The following MYO1D variants were observed in gnomAD, a reference collection of about 807,000 sequenced individuals.
MYO1D encodes the protein unconventional myosin-Id.
A neutral mutation model predicts 122.0 loss-of-function variants in MYO1D; 83 were observed. The observed-to-expected ratio is 0.68, with a 90% CI of 0.57 to 0.82. The LOEUF (loss-of-function observed/expected upper bound fraction) is 0.82. Ranked by LOEUF, MYO1D falls within the 40% of genes least tolerant of loss-of-function variation. The pLI, the probability that MYO1D is intolerant of heterozygous loss-of-function variation, is 0.00. For missense variants in MYO1D, 1,157 were observed against 1,269.5 expected (o/e 0.91, Z 1.35); for synonymous variants, 464 against 446.9 (o/e 1.04, Z -0.48).
chr17:32,705,793 G>C (rs1598025379), intron 16 of MYO1D, among the ~76,000 whole-genome samples: 2 of 152,156 alleles, frequency 1.3e-5, no homozygotes, highest in East Asian at 3.9e-4. Context: ...GACCCAAGTG[G>C]GAGGTAATTG....
intron 21 of MYO1D, among the ~76,000 whole-genome samples, chr17:32,548,183 T>C (rs2086980834): frequency 6.6e-6 from 1 of 151,700 alleles, no homozygotes. Flanking sequence ...TTTGGGTGGC[T>C]GAGGTGGGCA....
intron 21 of MYO1D, among the ~76,000 whole-genome samples, chr17:32,581,759 G>A (rs1173337523): frequency 2.0e-5 from 3 of 151,792 alleles, no homozygotes; most frequent in Non-Finnish European, 2.9e-5. Flanking sequence ...GTGTGTGTGT[G>A]TGTGTGTGTA....
chr17:32,620,527 C>CA (rs1307500690), intron 20 of MYO1D, among the ~76,000 whole-genome samples: 2 of 151,926 alleles, frequency 1.3e-5, no homozygotes, highest in Non-Finnish European at 2.9e-5. Context: ...AGAAAGGAGG[C>CA]AAAAAGAAAA....
At chr17:32,852,534 T>C (rs536873952) in intron 1 of MYO1D, among the ~76,000 whole-genome samples, 3 of 152,210 alleles carry the variant, frequency 2.0e-5, no homozygotes, top group Non-Finnish European at 4.4e-5. Flanking sequence ...CATACAGACA[T>C]ATTAAATGCA....
chr17:32,571,828 A>T (rs1238325396), intron 21 of MYO1D, among the ~76,000 whole-genome samples: 2 of 152,224 alleles, frequency 1.3e-5, no homozygotes, highest in Non-Finnish European at 2.9e-5. Context: ...ACCCATGCAG[A>T]GGACTGAAGA....
chr17:32,692,542 G>A (rs1025461552), intron 16 of MYO1D, among the ~76,000 whole-genome samples: 1 of 152,092 alleles, frequency 6.6e-6, no homozygotes, highest in Non-Finnish European at 1.5e-5. Context: ...ATGTCAGCAT[G>A]GTGACTAAGC....
At chr17:32,701,620 T>C (rs2089250102) in intron 16 of MYO1D, among the ~76,000 whole-genome samples, 1 of 152,206 alleles carries the variant, frequency 6.6e-6, no homozygotes, top group South Asian at 2.1e-4. Flanking sequence ...TGAAGTTCGG[T>C]GGCGCAATCA....
At chr17:32,709,746 G>C (rs2089352200) in intron 16 of MYO1D, among the ~76,000 whole-genome samples, 1 of 152,000 alleles carries the variant, frequency 6.6e-6, no homozygotes, top group African/African-American at 2.4e-5. Context: ...TATTTACCTA[G>C]GAAAGCCAAC....
rs185884433 is a variant in MYO1D at position 32,837,180 on chromosome 17, G to A, written c.95+39598C>T. On this transcript the variant is annotated intron_variant, in intron 1 of 21. Transcript: ENST00000318217. ...TAGTTTTAGCTCCCATTTTCTTGAT[G>A]TGCAATGATGTTGTGGACTTTTTAA... Among the ~76,000 whole-genome samples the A allele has an allele frequency of 8.0e-5, 12 of 150,018 alleles. No individual in the cohort carries two copies. The East Asian group carries it at 2.3e-3, about 29-fold the overall frequency.
At chr17:32,533,202 T>C (rs148415891) in intron 21 of MYO1D, among the ~76,000 whole-genome samples, 1 of 152,178 alleles carries the variant, frequency 6.6e-6, no homozygotes, top group African/African-American at 2.4e-5. Context: ...AACTCCCAAA[T>C]CTATACCTCT....
chr17:32,664,555 C>T (rs984883094), intron 16 of MYO1D, among the ~76,000 whole-genome samples: 14 of 152,172 alleles, frequency 9.2e-5, no homozygotes, highest in Non-Finnish European at 1.9e-4. Context: ...ACCAGCCAGA[C>T]GTTACATGCT....
chr17:32,660,619 CA>C (rs2088549963), intron 16 of MYO1D, among the ~76,000 whole-genome samples: 1 of 152,152 alleles, frequency 6.6e-6, no homozygotes, highest in African/African-American at 2.4e-5. Flanking sequence ...CAAGAAAAAC[CA>C]TAACATTTAA....
chr17:32,821,761 G>A (rs1293923568), intron 1 of MYO1D, among the ~76,000 whole-genome samples: 1 of 152,206 alleles, frequency 6.6e-6, no homozygotes, highest in Admixed American at 6.5e-5. Context: ...GTGAAAGAAA[G>A]AGACAAAATA....
intron 1 of MYO1D, among the ~76,000 whole-genome samples, chr17:32,799,998 C>T (rs1457889394): frequency 6.6e-6 from 1 of 152,140 alleles, no homozygotes; most frequent in Non-Finnish European, 1.5e-5. Flanking sequence ...GGTATCACCT[C>T]ATACCTGTTA....
intron 21 of MYO1D, among the ~76,000 whole-genome samples, chr17:32,526,093 G>A (rs1471065161): frequency 6.6e-6 from 1 of 152,170 alleles, no homozygotes; most frequent in African/African-American, 2.4e-5. Context: ...TTCCAAGAAA[G>A]GTTTAACTGC....
chr17:32,868,234 C>G (rs2091147077), intron 1 of MYO1D, among the ~76,000 whole-genome samples: 1 of 152,152 alleles, frequency 6.6e-6, no homozygotes, highest in African/African-American at 2.4e-5. Context: ...CACTGAGTAT[C>G]TACTATGCTT....
At chr17:32,703,499 T>A (rs1385920160) in intron 16 of MYO1D, among the ~76,000 whole-genome samples, 5 of 151,856 alleles carry the variant, frequency 3.3e-5, no homozygotes, top group African/African-American at 1.2e-4. Context: ...AAGGGTGGTA[T>A]TGAACTCCTG....
intron 13 of MYO1D, among the ~76,000 whole-genome samples, chr17:32,740,641 C>T (rs556883957): frequency 2.6e-5 from 4 of 152,052 alleles, no homozygotes; most frequent in Non-Finnish European, 5.9e-5. Flanking sequence ...CCATGCCTGG[C>T]TAACTTTTTA....
chr17:32,781,363 G>A (rs1452830507), intron 1 of MYO1D, among the ~76,000 whole-genome samples: 3 of 152,044 alleles, frequency 2.0e-5, no homozygotes, highest in Non-Finnish European at 4.4e-5. Flanking sequence ...TATATTCAAC[G>A]ATTCCTGTTC....
Sources: allele counts gnomAD v4.1 joint callset (sites outside exome capture counted in the v4.1 genomes callset), GRCh38; gene constraint gnomAD v4.1.1; transcripts MANE v1.5; gene names NCBI Gene and HGNC (gene_info 2026-07-23, HGNC 2026-07-21).